Variants in ZNF451 observed in about 807,000 individuals in gnomAD.
ZNF451 encodes the protein zinc finger protein 451.
ZNF451 carries 80 observed loss-of-function variants against 107.1 expected under a neutral mutation model. The observed-to-expected ratio is 0.75, with a 90% CI of 0.62 to 0.90. ZNF451 has a LOEUF of 0.90. ZNF451 is among the 40% of genes least tolerant of loss of function. The pLI, the probability that ZNF451 is intolerant of heterozygous loss-of-function variation, is 0.00. For missense variants in ZNF451, 1,107 were observed against 1,236.2 expected (o/e 0.90, Z 1.57); for synonymous variants, 362 against 406.5 (o/e 0.89, Z 1.32).
intron 8 of ZNF451, 73 bp from the exon 9 acceptor site, chr6:57,141,875 G>A: frequency 7.5e-7 from 1 of 1,338,492 alleles, no homozygotes. Flanking sequence ...TGTTGAGAAG[G>A]GCTGAGGGGA....
At chr6:57,103,620 G>C (rs895811236) in intron 3 of ZNF451, 3 of 985,322 alleles carry the variant, frequency 3.0e-6, no homozygotes, top group Non-Finnish European at 3.6e-6. Flanking sequence ...ACATCACCTA[G>C]TATTATTTGC....
chr6:57,129,644 TA>T (rs1173081610), intron 5 of ZNF451, among the ~76,000 whole-genome samples: 1 of 152,178 alleles, frequency 6.6e-6, no homozygotes, highest in Non-Finnish European at 1.5e-5. Flanking sequence ...TTGCCACTTA[TA>T]AAAGAATTCT....
chr6:57,106,112 T>G, intron 3 of ZNF451: 3 of 985,362 alleles, frequency 3.0e-6, no homozygotes, highest in Non-Finnish European at 3.6e-6. Flanking sequence ...GGATAACCTC[T>G]CAGGTACTGT....
At chr6:57,150,532 T>G in intron 10 of ZNF451, 187 bp from the exon 11 acceptor site, 1 of 460,008 alleles carries the variant, frequency 2.2e-6, no homozygotes, top group South Asian at 8.0e-5. Flanking sequence ...TCAGATTATT[T>G]TTATCTGATT....
chr6:57,112,911 A>G (rs1051769745), intron 3 of ZNF451, among the ~76,000 whole-genome samples: 3 of 152,228 alleles, frequency 2.0e-5, no homozygotes, highest in Non-Finnish European at 4.4e-5. Context: ...TTTCTTTATC[A>G]TTAAAAAGCC....
At chr6:57,122,768 G>A (rs1315702184) in intron 3 of ZNF451, among the ~76,000 whole-genome samples, 1 of 152,220 alleles carries the variant, frequency 6.6e-6, no homozygotes, top group African/African-American at 2.4e-5. Flanking sequence ...TTTATACACT[G>A]TTGGTGGAAA....
Position 57,147,767 on chromosome 6 carries a change from A to G in ZNF451, c.1682A>G (p.Tyr561Cys), listed in dbSNP as rs1243761643. Residue 561 changes from tyrosine to cysteine, a missense_variant, in exon 10 of 15, where the codon TAT becomes TGT. Physicochemically the swap from Tyr to Cys is radical, Grantham distance 194 (BLOSUM62 -2). Around this residue, in one of 5 missense-constraint regions of ZNF451, gnomAD observed 608 missense variants for 649.2 expected, o/e 0.94. Coordinates refer to ENST00000370706, the MANE Select transcript of ZNF451 (RefSeq NM_001031623.3). Reference sequence around the variant, plus strand: ...TTTCATAATGGACACAGATATTTTTATGAGATGGATGAGGTAGAAGGTGAA... The same window carrying G: ...TTTCATAATGGACACAGATATTTTTGTGAGATGGATGAGGTAGAAGGTGAA... ...TEFHNGHRYF[Y>C]EMDEVEGETL... 1.2e-6 allele frequency: 2 copies of G among 1,613,740 alleles called. No homozygotes were observed. The highest frequency in any genetic ancestry group is 1.3e-5 in the African/African-American group (1 of 74,952).
chr6:57,135,645 C>T lies in ZNF451; in HGVS notation c.702+775C>T, dbSNP rs1256038651. Among the ~76,000 whole-genome samples, 7 of 152,152 alleles carry T rather than the reference C, an allele frequency of 4.6e-5. No individual in the cohort carries two copies. In the South Asian group the frequency reaches 6.2e-4, roughly 14 times the overall value. On this transcript the variant is annotated intron_variant, in intron 7 of 14. Coordinates refer to ENST00000370706, the MANE Select transcript of ZNF451 (RefSeq NM_001031623.3). ...CAAACATAAAAGCTTAAATATTCATCGAATCAATGCATACATTTCTACATT... is the reference window on the plus strand; with the variant it reads ...CAAACATAAAAGCTTAAATATTCATTGAATCAATGCATACATTTCTACATT...
Position 57,128,984 on chromosome 6 carries a change from ACTTTATAATGGCCTG to A in ZNF451, c.424+149_424+163del, listed in dbSNP as rs1413302624. On this transcript the variant is annotated intron_variant, in intron 5 of 14. Transcript: ENST00000370706. ...TACTAATATCACCTCATAATGGCCT[ACTTTATAATGGCCTG>A]CTTTGCCCATTGTCTTTCTTCTTTG... 3.0e-5 allele frequency: 17 copies of A among 566,208 alleles called. No homozygotes were observed. In the African/African-American group the frequency reaches 3.3e-4, roughly 11 times the overall value. 35.1% of individuals were successfully genotyped at this position (566,208 alleles called of 1,614,324 possible). A position where few individuals can be genotyped will look rare whatever the true frequency, so the allele number is the denominator to read the frequency against.
intron 2 of ZNF451, among the ~76,000 whole-genome samples, chr6:57,093,536 T>A (rs893072862): frequency 2.0e-5 from 3 of 152,142 alleles, no homozygotes; most frequent in Non-Finnish European, 4.4e-5. Flanking sequence ...ATCCTACCCT[T>A]AAGGGTCAGT....
At chr6:57,168,273 T>G in intron 14 of ZNF451, 150 bp from the exon 15 acceptor site, 5 of 540,950 alleles carry the variant, frequency 9.2e-6, no homozygotes, top group Non-Finnish European at 1.6e-5. Flanking sequence ...ACTCAATTTT[T>G]TAGTAGAGAA....
At chr6:57,131,895 T>G (rs1472187814) in intron 5 of ZNF451, among the ~76,000 whole-genome samples, 1 of 152,204 alleles carries the variant, frequency 6.6e-6, no homozygotes, top group Non-Finnish European at 1.5e-5. Context: ...TGCAATTGTT[T>G]TTTATACAAC....
At chr6:57,155,526 C>T (rs1332258974) in intron 13 of ZNF451, among the ~76,000 whole-genome samples, 3 of 152,142 alleles carry the variant, frequency 2.0e-5, no homozygotes, top group Non-Finnish European at 4.4e-5. Context: ...CTTTTGCCAT[C>T]GCTTTCCCAG....
Position 57,150,776 on chromosome 6 carries a change from T to C in ZNF451, c.2666T>C (p.Val889Ala). The change falls in exon 11 of 15, where the codon GTC becomes GCC. Residue 889 changes from valine to alanine, a missense_variant. By Grantham distance (64) the Val-to-Ala change is moderately conservative. This residue lies in a region of ZNF451 where 608 missense variants were observed against 649.2 expected (regional missense o/e 0.94). Coordinates refer to ENST00000370706, the MANE Select transcript of ZNF451 (RefSeq NM_001031623.3). Reference protein sequence around the residue: ...LDYLRTMTHIVFVDFDNWSNF... With the variant: ...LDYLRTMTHIAFVDFDNWSNF... ...TACCTGCGAACCATGACTCATATAG[T>C]CTTTGTAGATTTTGATAACTGGTCA... 6.2e-7 allele frequency: 1 copy of C among 1,614,052 alleles called. No individual in the cohort carries two copies. The highest frequency in any genetic ancestry group is 8.5e-7 in the Non-Finnish European group (1 of 1,179,988).
chr6:57,107,982 G>A, intron 3 of ZNF451: 1 of 471,072 alleles, frequency 2.1e-6, no homozygotes, highest in Non-Finnish European at 2.8e-6. Context: ...GGGACTACAG[G>A]CGCCCGCCAC....
intron 2 of ZNF451, among the ~76,000 whole-genome samples, chr6:57,093,797 G>A (rs1193174435): frequency 6.6e-6 from 1 of 152,234 alleles, no homozygotes; most frequent in East Asian, 1.9e-4. Context: ...GTGTAGTCGT[G>A]AAAGATTTTT....
intron 5 of ZNF451, among the ~76,000 whole-genome samples, 177 bp from the exon 6 acceptor site, chr6:57,132,865 A>T (rs560408521): frequency 6.6e-6 from 1 of 152,146 alleles, no homozygotes; most frequent in Admixed American, 6.5e-5. Flanking sequence ...TTTGGTCATA[A>T]CTTATTTACT....
intron 3 of ZNF451, chr6:57,107,029 G>T (rs1829894128): frequency 1.0e-6 from 1 of 956,394 alleles, no homozygotes; most frequent in Admixed American, 6.2e-5. Flanking sequence ...TTACTTCTTT[G>T]TCTTTTCATT....
In ZNF451 at chr6:57,147,625, C is replaced by T. The variant is rs750523166; in HGVS notation, c.1540C>T (p.Arg514Cys). 4 of 1,614,060 alleles carry T rather than the reference C, an allele frequency of 2.5e-6. No individual in the cohort carries two copies. The highest frequency in any genetic ancestry group is 2.5e-6 in the Non-Finnish European group (3 of 1,179,972). ...GGTATGTGATGATTCAGGGGTCATT[C>T]GTTTACACATGAGCCGGATTCACGG... ...GKVCDDSGVI[R>C]LHMSRIHGGA... is the part of the protein sequence containing the mutation. The change falls in exon 10 of 15, where the codon CGT becomes TGT. Residue 514 changes from arginine (R) to cysteine (C), a missense_variant. Coordinates refer to ENST00000370706, the MANE Select transcript of ZNF451 (RefSeq NM_001031623.3).
Sources: gnomAD v4.1 joint callset for allele counts (sites outside exome capture counted in the v4.1 genomes callset) on GRCh38, gnomAD v4.1.1 for gene constraint, gnomAD v4.1.1 regional missense constraint, MANE v1.5 for transcripts, NCBI Gene and HGNC (gene_info 2026-07-23, HGNC 2026-07-21) for gene names.